Variants in CTNNA3 observed in about 807,000 individuals in gnomAD.
CTNNA3 encodes the protein catenin alpha-3.
CTNNA3 carries 76 observed loss-of-function variants against 95.7 expected under a neutral mutation model. That is an observed-to-expected ratio of 0.79 (90% CI 0.66 to 0.96). CTNNA3 has a LOEUF of 0.96. CTNNA3 is among the 40% of genes least tolerant of loss of function. The pLI is 0.00. For missense variants in CTNNA3, 1,191 were observed against 1,089.8 expected, an observed-to-expected ratio of 1.09 and a Z score of -1.31; for synonymous variants, 431 against 374.4, an observed-to-expected ratio of 1.15 and a Z score of -1.74.
intron 13 of CTNNA3, among the ~76,000 whole-genome samples, chr10:66,188,920 C>T (rs2086494962): frequency 6.6e-6 from 1 of 151,952 alleles, no homozygotes; most frequent in Admixed American, 6.6e-5. Flanking sequence ...AAGGGCCATC[C>T]TAACAAGTGT....
intron 5 of CTNNA3, chr10:67,346,681 C>T (rs866870803): frequency 5.9e-6 from 3 of 510,966 alleles, no homozygotes; most frequent in Middle Eastern, 3.2e-4. Context: ...TTCCTAATCT[C>T]GTGGCGATAG....
At chr10:67,298,752 G>A (rs1397219217) in intron 5 of CTNNA3, among the ~76,000 whole-genome samples, 2 of 152,204 alleles carry the variant, frequency 1.3e-5, no homozygotes, top group Non-Finnish European at 2.9e-5. Flanking sequence ...CTAAAGGGCT[G>A]TGCTAGTTAG....
At chr10:66,460,867 A>T (rs1044518651) in intron 11 of CTNNA3, among the ~76,000 whole-genome samples, 1 of 152,126 alleles carries the variant, frequency 6.6e-6, no homozygotes, top group Admixed American at 6.6e-5. Flanking sequence ...TCTCTCAAGA[A>T]AGTTCACTTT....
At chr10:66,557,573 T>C (rs564881215) in intron 10 of CTNNA3, among the ~76,000 whole-genome samples, 1 of 152,252 alleles carries the variant, frequency 6.6e-6, no homozygotes, top group South Asian at 2.1e-4. Context: ...GGGAATTTTC[T>C]GCAACGGTAG....
intron 13 of CTNNA3, among the ~76,000 whole-genome samples, chr10:66,248,570 C>G (rs1351443646): frequency 6.6e-6 from 1 of 151,394 alleles, no homozygotes; most frequent in Admixed American, 6.6e-5. Context: ...CCAATGGAAA[C>G]CAAAAAAAAG....
At chr10:67,635,316 T>A (rs1292631133) in intron 2 of CTNNA3, among the ~76,000 whole-genome samples, 1 of 152,188 alleles carries the variant, frequency 6.6e-6, no homozygotes, top group African/African-American at 2.4e-5. Flanking sequence ...CTCTAACTCA[T>A]TCTATGAGGC....
intron 7 of CTNNA3, among the ~76,000 whole-genome samples, chr10:66,854,614 G>T (rs771409688): frequency 2.6e-5 from 4 of 151,960 alleles, no homozygotes; most frequent in Non-Finnish European, 5.9e-5. Flanking sequence ...GGCTGCATTT[G>T]AGCTGTACCT....
intron 7 of CTNNA3, among the ~76,000 whole-genome samples, chr10:66,802,525 C>T (rs1274793629): frequency 6.6e-6 from 1 of 151,694 alleles, no homozygotes; most frequent in Non-Finnish European, 1.5e-5. Context: ...ATTTGGAACT[C>T]TCTTACATTG....
At chr10:66,979,275 T>C (rs1467604172) in intron 7 of CTNNA3, among the ~76,000 whole-genome samples, 3 of 152,214 alleles carry the variant, frequency 2.0e-5, no homozygotes, top group South Asian at 4.1e-4. Flanking sequence ...GTCATAACTA[T>C]TTCTTAAGTA....
intron 11 of CTNNA3, among the ~76,000 whole-genome samples, chr10:66,487,271 G>A (rs540856682): frequency 3.7e-4 from 47 of 128,092 alleles, no homozygotes; most frequent in African/African-American, 1.3e-3. Context: ...GCGCGATCTC[G>A]GCTCACTGCA....
At chr10:66,331,342 GTTTTTTTTTTTTTT>G (rs60709020) in intron 12 of CTNNA3, among the ~76,000 whole-genome samples, 2 of 80,336 alleles carry the variant, frequency 2.5e-5, no homozygotes, top group African/African-American at 9.4e-5. Flanking sequence ...CCCATTGTTT[GTTTTTTTTTTTTTT>G]TTTTTTTTTT....
At chr10:67,144,831 G>T (rs965235708) in intron 7 of CTNNA3, among the ~76,000 whole-genome samples, 7 of 152,232 alleles carry the variant, frequency 4.6e-5, no homozygotes, top group East Asian at 1.9e-4. Context: ...TTTCTTTCAA[G>T]AACTTTTCCT....
At position 67,251,149 on chromosome 10, in the gene CTNNA3, A is replaced by G. The variant is rs566910352; in HGVS notation, c.580-31279T>C. On this transcript the variant is annotated intron_variant, in intron 5 of 17. Transcript: ENST00000433211. ...TCCACAAAACAAAATATTATTTGTCAATGAAAGGGGATATAGTACTGATAC... is the reference window on the plus strand; with the variant it reads ...TCCACAAAACAAAATATTATTTGTCGATGAAAGGGGATATAGTACTGATAC... 6.6e-5 allele frequency among the ~76,000 whole-genome samples: 10 copies of G among 152,338 alleles called. No individual in the cohort carries two copies. In the South Asian group the frequency reaches 2.1e-3, roughly 32 times the overall value.
At chr10:67,354,538 T>A (rs1278987014) in intron 5 of CTNNA3, among the ~76,000 whole-genome samples, 1 of 151,966 alleles carries the variant, frequency 6.6e-6, no homozygotes, top group African/African-American at 2.4e-5. Flanking sequence ...TTGCTGTAGA[T>A]TTAAAGGTTT....
chr10:67,292,897 T>C (rs983206396), intron 5 of CTNNA3, among the ~76,000 whole-genome samples: 1 of 152,084 alleles, frequency 6.6e-6, no homozygotes, highest in Admixed American at 6.6e-5. Flanking sequence ...GTAACTCTAA[T>C]GGGCTCACAG....
intron 9 of CTNNA3, among the ~76,000 whole-genome samples, chr10:66,685,348 TA>T (rs2132516393): frequency 5.6e-5 from 3 of 53,352 alleles, no homozygotes; most frequent in African/African-American, 2.0e-4. Context: ...TATATATATA[TA>T]TATTTTTTTT....
At chr10:66,007,167 C>T (rs990254220) in intron 15 of CTNNA3, among the ~76,000 whole-genome samples, 1 of 152,136 alleles carries the variant, frequency 6.6e-6, no homozygotes, top group Admixed American at 6.6e-5. Flanking sequence ...GTTAATGTGT[C>T]ATTTTTGCTG....
chr10:66,174,966 A>G (rs945438882), intron 13 of CTNNA3, among the ~76,000 whole-genome samples: 1 of 152,118 alleles, frequency 6.6e-6, no homozygotes, highest in African/African-American at 2.4e-5. Context: ...TTGGCCTAGA[A>G]CACCATGTCA....
At chr10:66,112,347 T>A (rs1049357024) in intron 13 of CTNNA3, among the ~76,000 whole-genome samples, 59 of 152,170 alleles carry the variant, frequency 3.9e-4, no homozygotes, top group African/African-American at 1.3e-3. Context: ...TCTCTATTTG[T>A]CAAAATCAAG....
Sources: gnomAD v4.1 joint callset for allele counts (sites outside exome capture counted in the v4.1 genomes callset) on GRCh38, gnomAD v4.1.1 for gene constraint, MANE v1.5 for transcripts, NCBI Gene and HGNC (gene_info 2026-07-23, HGNC 2026-07-21) for gene names.